ROBO1: variants seen among roughly 807,000 people sequenced by gnomAD.
The protein encoded by ROBO1 is roundabout homolog 1.
Under a neutral mutation model 195.9 loss-of-function variants are expected in ROBO1, and 149 were observed. That is an observed-to-expected ratio of 0.76 (90% CI 0.67 to 0.87). The LOEUF (loss-of-function observed/expected upper bound fraction) is 0.87. ROBO1 is among the 40% of genes least tolerant of loss of function. ROBO1 has a pLI of 0.00. For missense variants in ROBO1, 1,933 were observed against 2,068.3 expected, an observed-to-expected ratio of 0.93 and a Z score of 1.27; for synonymous variants, 816 against 733.2, an observed-to-expected ratio of 1.11 and a Z score of -1.82.
At chr3:79,576,821 T>C (rs560550234) in intron 2 of ROBO1, among the ~76,000 whole-genome samples, 1 of 152,308 alleles carries the variant, frequency 6.6e-6, no homozygotes, top group Non-Finnish European at 1.5e-5. Context: ...GAAACTTGAA[T>C]AAATCATCTG....
intron 2 of ROBO1, among the ~76,000 whole-genome samples, chr3:79,422,965 T>C (rs2038291704): frequency 6.8e-6 from 1 of 146,740 alleles, no homozygotes; most frequent in African/African-American, 2.5e-5. Context: ...TACAACCTTA[T>C]TTAGTATATT....
intron 4 of ROBO1, among the ~76,000 whole-genome samples, chr3:78,836,529 C>A (rs866753214): frequency 0.033 from 2,503 of 75,964 alleles, 87 homozygotes; most frequent in African/African-American, 0.1. Flanking sequence ...AAAAATTATT[C>A]AAAAAACATA....
chr3:79,166,658 C>T (rs564015373), intron 2 of ROBO1, among the ~76,000 whole-genome samples: 2 of 151,354 alleles, frequency 1.3e-5, no homozygotes, highest in African/African-American at 2.4e-5. Context: ...CTCCGCCTCC[C>T]GGGTTCGCGC....
chr3:79,351,548 C>A, intron 2 of ROBO1, among the ~76,000 whole-genome samples: 1 of 151,980 alleles, frequency 6.6e-6, no homozygotes, highest in Non-Finnish European at 1.5e-5. Context: ...TTTACAAAAT[C>A]AAATATTTAG....
chr3:79,168,198 A>G (rs2108684756), intron 2 of ROBO1, among the ~76,000 whole-genome samples: 1 of 152,300 alleles, frequency 6.6e-6, no homozygotes, highest in Non-Finnish European at 1.5e-5. Flanking sequence ...TATTCGGAGA[A>G]GAGCCAACAG....
chr3:79,632,656 A>C (rs1265739461), intron 1 of ROBO1, among the ~76,000 whole-genome samples: 1 of 152,180 alleles, frequency 6.6e-6, no homozygotes, highest in Non-Finnish European at 1.5e-5. Flanking sequence ...TCACAGAAGC[A>C]AATGTAAAAC....
At chr3:79,279,005 A>G (rs2031289716) in intron 2 of ROBO1, among the ~76,000 whole-genome samples, 1 of 151,928 alleles carries the variant, frequency 6.6e-6, no homozygotes, top group South Asian at 2.1e-4. Context: ...AAAATGGACA[A>G]ATGTCACACC....
intron 28 of ROBO1, among the ~76,000 whole-genome samples, chr3:78,614,207 G>A (rs570860014): frequency 5.9e-5 from 9 of 152,172 alleles, no homozygotes; most frequent in Admixed American, 2.6e-4. Flanking sequence ...ATAACTGTTC[G>A]TAACACCACT....
rs60532634 is a variant in ROBO1, at chr3:78,853,462, G to GGTGT, written c.499+85135_499+85138dup. Among the ~76,000 whole-genome samples, 710 of 149,376 alleles carry GGTGT rather than the reference G, an allele frequency of 4.8e-3. 6 individuals carry two copies. The highest frequency in any genetic ancestry group is 0.016 in the African/African-American group (666 of 40,724). On this transcript the variant is annotated intron_variant, in intron 4 of 30. Transcript: ENST00000464233. Reference sequence around the variant, plus strand: ...TTTCATATATAGTATGTATGTGTGGGGTGTGTGTGTGTGTATGTATGTATG... The same window carrying GGTGT: ...TTTCATATATAGTATGTATGTGTGGGGTGTGTGTGTGTGTGTGTATGTATGTATG...
intron 3 of ROBO1, among the ~76,000 whole-genome samples, chr3:79,035,545 C>A (rs1040183472): frequency 6.6e-6 from 1 of 151,884 alleles, no homozygotes; most frequent in Non-Finnish European, 1.5e-5. Flanking sequence ...CATAGTGAGA[C>A]CTCATCTCTA....
At chr3:78,818,937 G>T (rs2030514993) in intron 4 of ROBO1, among the ~76,000 whole-genome samples, 1 of 152,114 alleles carries the variant, frequency 6.6e-6, no homozygotes, top group Admixed American at 6.6e-5. Flanking sequence ...CTTATTATTA[G>T]TTATTGTTAA....
At chr3:78,754,485 G>A (rs1034660535) in intron 4 of ROBO1, among the ~76,000 whole-genome samples, 4 of 152,274 alleles carry the variant, frequency 2.6e-5, no homozygotes, top group South Asian at 4.1e-4. Context: ...ATATGCTTCT[G>A]TATTTATTGC....
At chr3:79,528,871 A>G (rs1239140024) in intron 2 of ROBO1, among the ~76,000 whole-genome samples, 1 of 152,200 alleles carries the variant, frequency 6.6e-6, no homozygotes, top group Non-Finnish European at 1.5e-5. Context: ...AGAACAAACA[A>G]TTCATCTTTC....
chr3:79,236,570 T>G (rs1425561731), intron 2 of ROBO1, among the ~76,000 whole-genome samples: 2 of 152,204 alleles, frequency 1.3e-5, no homozygotes, highest in Non-Finnish European at 1.5e-5. Flanking sequence ...AGTATGTCAT[T>G]TCAATATATC....
chr3:79,580,843 T>A (rs1287152866), intron 2 of ROBO1, among the ~76,000 whole-genome samples: 1 of 152,068 alleles, frequency 6.6e-6, no homozygotes, highest in East Asian at 1.9e-4. Context: ...GCCCATACAT[T>A]CAACTTCTTC....
At chr3:79,209,448 C>T (rs2081931849) in intron 2 of ROBO1, among the ~76,000 whole-genome samples, 1 of 152,024 alleles carries the variant, frequency 6.6e-6, no homozygotes, top group Non-Finnish European at 1.5e-5. Context: ...CTTCTATAAA[C>T]ATGCATGTGC....
chr3:79,616,989 A>G (rs1230940736), intron 1 of ROBO1, among the ~76,000 whole-genome samples: 2 of 152,118 alleles, frequency 1.3e-5, no homozygotes. Flanking sequence ...CAGTTCAAGC[A>G]TTTTCCATGG....
intron 8 of ROBO1, among the ~76,000 whole-genome samples, chr3:78,705,216 C>G (rs1190408993): frequency 6.6e-6 from 1 of 152,026 alleles, no homozygotes; most frequent in Non-Finnish European, 1.5e-5. Flanking sequence ...TAAAAAATGT[C>G]AAATCTCTAT....
At chr3:79,009,290 A>G in intron 3 of ROBO1, among the ~76,000 whole-genome samples, 1 of 151,908 alleles carries the variant, frequency 6.6e-6, no homozygotes, top group Non-Finnish European at 1.5e-5. Flanking sequence ...AACCTTAATA[A>G]GAACCAAGTC....
Sources: gnomAD v4.1 joint callset for allele counts (sites outside exome capture counted in the v4.1 genomes callset) on GRCh38, gnomAD v4.1.1 for gene constraint, MANE v1.5 for transcripts, NCBI Gene and HGNC (gene_info 2026-07-23, HGNC 2026-07-21) for gene names.